KIRREL3: variants seen among roughly 807,000 people sequenced by gnomAD.
KIRREL3 encodes kirre like nephrin family adhesion molecule 3.
KIRREL3 carries 36 observed loss-of-function variants against 89.7 expected under a neutral mutation model. The observed-to-expected ratio is 0.40, with a 90% CI of 0.31 to 0.53. KIRREL3 has a LOEUF of 0.53. Ranked by LOEUF, KIRREL3 falls within the 20% of genes least tolerant of loss-of-function variation. The pLI is 0.49. For missense variants in KIRREL3, 864 were observed against 1,056.6 expected (o/e 0.82, Z 2.53); for synonymous variants, 445 against 441.4 (o/e 1.01, Z -0.10).
chr11:126,839,119 C>T (rs1452470063), intron 1 of KIRREL3, among the ~76,000 whole-genome samples: 3 of 152,292 alleles, frequency 2.0e-5, no homozygotes, highest in South Asian at 2.1e-4. Context: ...ACAGAAACAG[C>T]GTCCATGGAG....
In KIRREL3 at chr11:126,891,266, C is replaced by T. The variant is rs557465557; in HGVS notation, c.55+109189G>A. On this transcript the variant is annotated intron_variant, in intron 1 of 16. Coordinates refer to ENST00000525144, the MANE Select transcript of KIRREL3 (RefSeq NM_032531.4). This position sits in a 1 kb window ranked among gnomAD's most constrained non-coding sequence, Gnocchi z 5.1. ...TCTTCTCATGCCTTAGAACTTTATTCCTTATATCAAAAAGATCCTGGGATA... is the reference window on the plus strand; with the variant it reads ...TCTTCTCATGCCTTAGAACTTTATTTCTTATATCAAAAAGATCCTGGGATA... Among the ~76,000 whole-genome samples, 4 of 152,286 alleles carry T rather than the reference C, an allele frequency of 2.6e-5. No individual in the cohort carries two copies. The South Asian group carries it at 8.3e-4, about 32-fold the overall frequency.
Position 126,489,356 on chromosome 11 carries a change from A to T in KIRREL3, c.434-15890T>A, listed in dbSNP as rs1213390426. ...TCAACAGATGAGCACCCCATCAATGATGGAAGGGTAAGAAGAGACGCCTGC... is the reference window on the plus strand; with the variant it reads ...TCAACAGATGAGCACCCCATCAATGTTGGAAGGGTAAGAAGAGACGCCTGC... On this transcript the variant is annotated intron_variant, in intron 4 of 16. Transcript: ENST00000525144. This position sits in a 1 kb window ranked among gnomAD's most constrained non-coding sequence, Gnocchi z 5.5. 6.6e-6 allele frequency among the ~76,000 whole-genome samples: 1 copy of T among 152,212 alleles called. No individual in the cohort carries two copies.
rs1491337895 is a variant in KIRREL3 at position 126,521,673 on chromosome 11, T to TCC, written c.284-210_284-209insGG. On this transcript the variant is annotated intron_variant, in intron 3 of 16. Coordinates refer to ENST00000525144, the MANE Select transcript of KIRREL3 (RefSeq NM_032531.4). The surrounding 1 kb of genome is among the most constrained non-coding windows in gnomAD (Gnocchi z 4.1). ...GGTGTTGGTTCTCTCTCTCTCTCTC[T>TCC]GTATGTGTGTGTGTGTGTGTGTGTG... is the stretch of plus-strand genomic sequence containing the variant. Among the ~76,000 whole-genome samples, 4 of 37,502 alleles carry TCC rather than the reference T, an allele frequency of 1.1e-4. No homozygotes were observed. The highest frequency in any genetic ancestry group is 1.0e-3 in the African/African-American group (4 of 3,908). 24.6% of individuals were successfully genotyped at this position (37,502 alleles called of 152,430 possible). A position where few individuals can be genotyped will look rare whatever the true frequency, so the allele number is the denominator to read the frequency against.
At chr11:126,926,731 C>T (rs139258124) in intron 1 of KIRREL3, among the ~76,000 whole-genome samples, 1 of 152,276 alleles carries the variant, frequency 6.6e-6, no homozygotes, top group Non-Finnish European at 1.5e-5. Flanking sequence ...CAGTGCACGG[C>T]CAAGCAGCAT....
chr11:126,725,875 T>G (rs1044325049), intron 1 of KIRREL3, among the ~76,000 whole-genome samples: 1 of 152,244 alleles, frequency 6.6e-6, no homozygotes, highest in Admixed American at 6.5e-5. Flanking sequence ...CTCAGTTTCC[T>G]TATCTGTAAA....
chr11:126,906,800 G>C lies in KIRREL3; in HGVS notation c.55+93655C>G, dbSNP rs947255819. On this transcript the variant is annotated intron_variant, in intron 1 of 16. Transcript: ENST00000525144. This position sits in a 1 kb window ranked among gnomAD's most constrained non-coding sequence, Gnocchi z 4.1. ...CAAGGCTGCCTGTGGCTTCTTCCTG[G>C]GACGTCTGCTCTGCCTCCTGAAAGG... Among the ~76,000 whole-genome samples the C allele has an allele frequency of 6.6e-6, 1 of 152,170 alleles. No individual in the cohort carries two copies. Among genetic ancestry groups the C allele is most frequent in the East Asian group, 1.9e-4 (1 of 5,198 alleles).
rs1957534459 is a variant in KIRREL3, at chr11:126,492,108, C to G, written c.434-18642G>C. ...CTTGCTTACCTCAGTTTCCTCCGGG[C>G]TTATAAAATGGACAAAAGGATAAGT... On this transcript the variant is annotated intron_variant, in intron 4 of 16. Transcript: ENST00000525144. This position sits in a 1 kb window ranked among gnomAD's most constrained non-coding sequence, Gnocchi z 4.8. 6.6e-6 allele frequency among the ~76,000 whole-genome samples: 1 copy of G among 152,180 alleles called. No homozygotes were observed. Among genetic ancestry groups the G allele is most frequent in the Admixed American group, 6.5e-5 (1 of 15,274 alleles).
At chr11:126,935,479 T>C (rs1227624076) in intron 1 of KIRREL3, 1 of 152,200 alleles carries the variant, frequency 6.6e-6, no homozygotes, top group East Asian at 1.9e-4. Context: ...GCAACCAAGA[T>C]GACCTTCAGC....
In KIRREL3 at chr11:126,897,254, G is replaced by A. The variant is rs1298110903; in HGVS notation, c.55+103201C>T. Among the ~76,000 whole-genome samples, 1 of 152,100 alleles carries A rather than the reference G, an allele frequency of 6.6e-6. No homozygotes were observed. The highest frequency in any genetic ancestry group is 1.5e-5 in the Non-Finnish European group (1 of 68,018). Reference sequence around the variant, plus strand: ...AACCTGCTGAGTGTTTTCCCAGGCTGGCGGGGAATCTCATGAGGAGGAGAT... The same window carrying A: ...AACCTGCTGAGTGTTTTCCCAGGCTAGCGGGGAATCTCATGAGGAGGAGAT... On this transcript the variant is annotated intron_variant, in intron 1 of 16. Transcript: ENST00000525144. The surrounding 1 kb of genome is among the most constrained non-coding windows in gnomAD (Gnocchi z 4.2).
intron 2 of KIRREL3, among the ~76,000 whole-genome samples, chr11:126,547,346 C>G (rs749440863): frequency 1.3e-5 from 2 of 152,192 alleles, no homozygotes; most frequent in Non-Finnish European, 2.9e-5. Context: ...GCAGGAAAGA[C>G]TCTCATTTTG....
At chr11:126,439,719 T>A (rs1591533948) in intron 11 of KIRREL3, among the ~76,000 whole-genome samples, 2 of 151,618 alleles carry the variant, frequency 1.3e-5, no homozygotes, top group African/African-American at 4.8e-5. Flanking sequence ...CAAGAGGCGC[T>A]GAGGCATGAG....
In KIRREL3 at chr11:126,997,347, T is replaced by A. The variant is rs985485055; in HGVS notation, c.55+3108A>T. Among the ~76,000 whole-genome samples, 1 of 152,130 alleles carries A rather than the reference T, an allele frequency of 6.6e-6. No individual in the cohort carries two copies. The highest frequency in any genetic ancestry group is 2.4e-5 in the African/African-American group (1 of 41,420). ...AACAAAGCATGACCGTCCTGACAGC[T>A]GAGGGAAGAGGCATCCACGGCAAGG... On this transcript the variant is annotated intron_variant, in intron 1 of 16. Coordinates refer to ENST00000525144, the MANE Select transcript of KIRREL3 (RefSeq NM_032531.4). The surrounding 1 kb of genome is among the most constrained non-coding windows in gnomAD (Gnocchi z 4.3).
intron 1 of KIRREL3, among the ~76,000 whole-genome samples, chr11:126,962,525 C>T (rs188048454): frequency 2.0e-5 from 3 of 152,186 alleles, no homozygotes; most frequent in Admixed American, 1.3e-4. Flanking sequence ...CATGGATGAG[C>T]GAAGAAAGTG....
At chr11:126,975,024 TG>T (rs1439021824) in intron 1 of KIRREL3, among the ~76,000 whole-genome samples, 2 of 152,160 alleles carry the variant, frequency 1.3e-5, no homozygotes, top group Non-Finnish European at 2.9e-5. Flanking sequence ...TTGCCTAGGC[TG>T]GTCTCGAACT....
intron 1 of KIRREL3, among the ~76,000 whole-genome samples, chr11:126,762,680 A>G (rs1337456640): frequency 6.6e-6 from 1 of 152,170 alleles, no homozygotes; most frequent in African/African-American, 2.4e-5. Flanking sequence ...TCCTGATGCT[A>G]GTGACAGAGC....
chr11:126,658,960 T>A (rs547485920), intron 1 of KIRREL3, among the ~76,000 whole-genome samples: 37 of 152,362 alleles, frequency 2.4e-4, no homozygotes, highest in African/African-American at 1.4e-4. Flanking sequence ...TGGTCACAGC[T>A]GTTGGATGGA....
rs1937979814 is a variant in KIRREL3, at chr11:126,537,357, A to G, written c.134-10670T>C. Among the ~76,000 whole-genome samples, 1 of 152,234 alleles carries G rather than the reference A, an allele frequency of 6.6e-6. No individual in the cohort carries two copies. The highest frequency in any genetic ancestry group is 6.5e-5 in the Admixed American group (1 of 15,282). On this transcript the variant is annotated intron_variant, in intron 2 of 16. Coordinates refer to ENST00000525144, the MANE Select transcript of KIRREL3 (RefSeq NM_032531.4). The surrounding 1 kb of genome is among the most constrained non-coding windows in gnomAD (Gnocchi z 4.3). ...GGATTACAAGGGATAAAGTGGTCTCATAGAGAAGTCATATAAAGCTTTTCA... is the reference window on the plus strand; with the variant it reads ...GGATTACAAGGGATAAAGTGGTCTCGTAGAGAAGTCATATAAAGCTTTTCA...
chr11:126,503,767 C>T (rs1289396107), intron 4 of KIRREL3, among the ~76,000 whole-genome samples: 1 of 151,210 alleles, frequency 6.6e-6, no homozygotes, highest in Non-Finnish European at 1.5e-5. Context: ...GAGAGAATCT[C>T]CCTCTCCCTC....
At position 126,970,819 on chromosome 11, in the gene KIRREL3, T is replaced by A. The variant is rs1949408390; in HGVS notation, c.55+29636A>T. Reference sequence around the variant, plus strand: ...TTTTCCTAGTTTCAAATAAGTGATATCTAAGGACCCATAGAAACACTTGCA... The same window carrying A: ...TTTTCCTAGTTTCAAATAAGTGATAACTAAGGACCCATAGAAACACTTGCA... On this transcript the variant is annotated intron_variant, in intron 1 of 16. Coordinates refer to ENST00000525144, the MANE Select transcript of KIRREL3 (RefSeq NM_032531.4). The surrounding 1 kb of genome is among the most constrained non-coding windows in gnomAD (Gnocchi z 4.4). Among the ~76,000 whole-genome samples the A allele has an allele frequency of 6.6e-6, 1 of 152,134 alleles. No individual in the cohort carries two copies. The highest frequency in any genetic ancestry group is 6.5e-5 in the Admixed American group (1 of 15,270).
Sources: gnomAD v4.1 joint callset for allele counts (sites outside exome capture counted in the v4.1 genomes callset) on GRCh38, gnomAD v4.1.1 for gene constraint, Gnocchi (gnomAD v3.1) non-coding constraint, MANE v1.5 for transcripts, NCBI Gene and HGNC (gene_info 2026-07-23, HGNC 2026-07-21) for gene names.